DISC1: variants seen among roughly 807,000 people sequenced by gnomAD.
The protein encoded by DISC1 is DISC1 scaffold protein.
Under a neutral mutation model 84.5 loss-of-function variants are expected in DISC1, and 57 were observed. That is an observed-to-expected ratio of 0.67 (90% CI 0.55 to 0.84). The LOEUF (loss-of-function observed/expected upper bound fraction) is 0.84, where lower values mean the gene tolerates loss of function less well. DISC1 is among the 40% of genes least tolerant of loss of function. DISC1 has a pLI of 0.00. For synonymous variants in DISC1, 411 were observed against 415.2 expected, an observed-to-expected ratio of 0.99 and a Z score of 0.12; for missense variants, 1,000 against 1,057.8, an observed-to-expected ratio of 0.95 and a Z score of 0.76.
At chr1:231,976,214 C>T (rs1662776430) in intron 10 of DISC1, among the ~76,000 whole-genome samples, 1 of 152,088 alleles carries the variant, frequency 6.6e-6, no homozygotes, top group Non-Finnish European at 1.5e-5. Context: ...CAGCATGACT[C>T]CAGGGCCTAA....
chr1:231,954,605 G>T lies in DISC1; in HGVS notation c.1982-4223G>T, dbSNP rs759734864. Among the ~76,000 whole-genome samples the T allele has an allele frequency of 2.6e-5, 4 of 152,052 alleles. No individual in the cohort carries two copies. The highest frequency in any genetic ancestry group is 6.6e-5 in the Admixed American group (1 of 15,256). The stretch of plus-strand genomic sequence containing the variant: ...TTTTGTATTCAGCATTTCTTTGAGC[G>T]CCCTCTTTGCTTCTTGGAACCTTGC... On this transcript the variant is annotated intron_variant, in intron 9 of 12. Coordinates refer to ENST00000439617, the MANE Select transcript of DISC1 (RefSeq NM_018662.3). The surrounding 1 kb of genome is among the most constrained non-coding windows in gnomAD (Gnocchi z 4.8).
intron 9 of DISC1, among the ~76,000 whole-genome samples, chr1:231,880,756 T>G (rs1403830654): frequency 2.0e-5 from 3 of 150,618 alleles, no homozygotes; most frequent in Admixed American, 6.6e-5. Context: ...CAAGGCAAGG[T>G]GGGGGGGGGG....
intron 6 of DISC1, among the ~76,000 whole-genome samples, chr1:231,790,015 A>C (rs961324890): frequency 6.6e-6 from 1 of 152,216 alleles, no homozygotes; most frequent in Non-Finnish European, 1.5e-5. Flanking sequence ...ACATTTTCTT[A>C]GAGCCACCAT....
intron 9 of DISC1, among the ~76,000 whole-genome samples, chr1:231,874,418 CA>C (rs1412538948): frequency 6.6e-6 from 1 of 151,746 alleles, no homozygotes; most frequent in Non-Finnish European, 1.5e-5. Context: ...CTCGGCCTCT[CA>C]AAATGCTGAG....
At chr1:231,920,782 A>C (rs1014425773) in intron 9 of DISC1, among the ~76,000 whole-genome samples, 4 of 152,230 alleles carry the variant, frequency 2.6e-5, no homozygotes, top group Non-Finnish European at 4.4e-5. Flanking sequence ...ATTTTAGTAC[A>C]TACTTTTATA....
intron 4 of DISC1, among the ~76,000 whole-genome samples, chr1:231,756,774 A>G (rs941447938): frequency 1.3e-5 from 2 of 152,196 alleles, no homozygotes; most frequent in African/African-American, 4.8e-5. Context: ...TCATCAGAAA[A>G]TGAGGGGGTT....
chr1:231,971,761 C>T lies in DISC1; in HGVS notation c.2042+12873C>T, dbSNP rs188022998. ...CTGCTGATGTAAAGATGAAGTTTCT[C>T]GAGCTGAGAGAATTTTATGTGATCG... On this transcript the variant is annotated intron_variant, in intron 10 of 12. Transcript: ENST00000439617. 6.6e-5 allele frequency among the ~76,000 whole-genome samples: 10 copies of T among 152,188 alleles called. No homozygotes were observed. In the East Asian group the frequency reaches 1.5e-3, roughly 23 times the overall value.
intron 9 of DISC1, among the ~76,000 whole-genome samples, chr1:231,914,766 G>C (rs1460804635): frequency 6.6e-6 from 1 of 152,150 alleles, no homozygotes; most frequent in African/African-American, 2.4e-5. Context: ...AAAACAGCTT[G>C]CACTGTAAGT....
chr1:231,961,780 T>C (rs766965647), intron 10 of DISC1, among the ~76,000 whole-genome samples: 1 of 152,250 alleles, frequency 6.6e-6, no homozygotes, highest in South Asian at 2.1e-4. Flanking sequence ...CATTTCACCA[T>C]TGATGGGCAT....
At chr1:231,661,174 CT>C (rs201076861) in intron 1 of DISC1, among the ~76,000 whole-genome samples, 44 of 146,998 alleles carry the variant, frequency 3.0e-4, no homozygotes, top group Admixed American at 1.5e-3. Flanking sequence ...CTGCCCTTCA[CT>C]TTTTTTTTTT....
At chr1:231,660,967 G>A (rs895584242) in intron 1 of DISC1, among the ~76,000 whole-genome samples, 2 of 152,078 alleles carry the variant, frequency 1.3e-5, no homozygotes, top group Non-Finnish European at 2.9e-5. Context: ...GCCTTTGCTT[G>A]TCTGAAAAGG....
At chr1:231,789,728 G>T (rs1283990071) in intron 6 of DISC1, among the ~76,000 whole-genome samples, 2 of 152,032 alleles carry the variant, frequency 1.3e-5, no homozygotes, top group Non-Finnish European at 2.9e-5. Context: ...GTATTATCTA[G>T]ATTAGTGACT....
At chr1:231,889,508 G>A (rs2087043542) in intron 9 of DISC1, among the ~76,000 whole-genome samples, 1 of 152,204 alleles carries the variant, frequency 6.6e-6, no homozygotes. Flanking sequence ...AGTATGTTTG[G>A]TGATTGGATT....
At chr1:231,789,957 T>A (rs1215998274) in intron 6 of DISC1, among the ~76,000 whole-genome samples, 2 of 152,188 alleles carry the variant, frequency 1.3e-5, no homozygotes, top group Non-Finnish European at 2.9e-5. Flanking sequence ...AAATGATTTT[T>A]AAAAATCCAT....
At chr1:231,667,083 G>C (rs1266030096) in intron 1 of DISC1, among the ~76,000 whole-genome samples, 1 of 152,152 alleles carries the variant, frequency 6.6e-6, no homozygotes, top group African/African-American at 2.4e-5. Context: ...TCAGACAGGA[G>C]CCTGTATTCT....
At chr1:231,931,637 T>G (rs1455872449) in intron 9 of DISC1, among the ~76,000 whole-genome samples, 1 of 143,042 alleles carries the variant, frequency 7.0e-6, no homozygotes, top group Non-Finnish European at 1.5e-5. Flanking sequence ...GTTTTGACAC[T>G]GCTTGTGATT....
At position 232,009,965 on chromosome 1, in the gene DISC1, T is replaced by C. The variant is rs1667878935; in HGVS notation, c.2307+916T>C. On this transcript the variant is annotated intron_variant, in intron 11 of 12. Transcript: ENST00000439617. This position sits in a 1 kb window ranked among gnomAD's most constrained non-coding sequence, Gnocchi z 4.6. ...GACTCACCACTGGTGGGTGGGGAAA[T>C]TGCCACCTCCCCAGGCCAGCCCTGC... 6.6e-6 allele frequency among the ~76,000 whole-genome samples: 1 copy of C among 152,044 alleles called. No individual in the cohort carries two copies. Among genetic ancestry groups the C allele is most frequent in the Non-Finnish European group, 1.5e-5 (1 of 68,008 alleles).
At chr1:232,022,313 T>C (rs1382754609) in intron 11 of DISC1, among the ~76,000 whole-genome samples, 1 of 127,068 alleles carries the variant, frequency 7.9e-6, no homozygotes, top group African/African-American at 3.3e-5. Flanking sequence ...CCATGGTTCT[T>C]TTTTTTTTTT....
At position 231,826,510 on chromosome 1, in the gene DISC1, A is replaced by T. The variant is rs2081874711; in HGVS notation, c.1981+7993A>T. Among the ~76,000 whole-genome samples the T allele has an allele frequency of 6.6e-6, 1 of 152,122 alleles. No individual in the cohort carries two copies. Among genetic ancestry groups the T allele is most frequent in the African/African-American group, 2.4e-5 (1 of 41,416 alleles). ...CTGAGATGATGATCCACTATCTGCC[A>T]TGTTGCTATAGCAGATGGATAATTT... On this transcript the variant is annotated intron_variant, in intron 9 of 12. Coordinates refer to ENST00000439617, the MANE Select transcript of DISC1 (RefSeq NM_018662.3). The surrounding 1 kb of genome is among the most constrained non-coding windows in gnomAD (Gnocchi z 4.2).
Sources: allele counts gnomAD v4.1 joint callset (sites outside exome capture counted in the v4.1 genomes callset), GRCh38; gene constraint gnomAD v4.1.1; non-coding constraint Gnocchi (gnomAD v3.1); transcripts MANE v1.5; gene names NCBI Gene and HGNC (gene_info 2026-07-23, HGNC 2026-07-21).